Variants in RBFOX1 observed in about 807,000 individuals in gnomAD.
RBFOX1 encodes RNA binding protein fox-1 homolog 1.
RBFOX1 carries 8 observed loss-of-function variants against 57.7 expected under a neutral mutation model. That is an observed-to-expected ratio of 0.14 (90% CI 0.08 to 0.25). RBFOX1 has a LOEUF of 0.25. RBFOX1 is among the 10% of genes least tolerant of loss of function. The pLI is 1.00. For missense variants in RBFOX1, 611 were observed against 548.5 expected, an observed-to-expected ratio of 1.11 and a Z score of -1.14; for synonymous variants, 326 against 222.4, an observed-to-expected ratio of 1.47 and a Z score of -4.15.
At chr16:5,906,613 G>C (rs1391388990) in intron 4 of RBFOX1, among the ~76,000 whole-genome samples, 7 of 151,998 alleles carry the variant, frequency 4.6e-5, no homozygotes, top group Non-Finnish European at 7.4e-5. Flanking sequence ...TTTCATGGGA[G>C]TGCTCCTGGA....
chr16:6,898,862 TACAC>T lies in RBFOX1; in HGVS notation c.-15-153191_-15-153188del, dbSNP rs374156702. 6.3e-4 allele frequency among the ~76,000 whole-genome samples: 94 copies of T among 148,472 alleles called. 1 individual carries two copies. In the East Asian group the frequency reaches 0.015, roughly 24 times the overall value. ...GTGTGCATGTGTATGTGTAATATAT[TACAC>T]ACATGTACACGTGTATAATACGTGT... On this transcript the variant is annotated intron_variant, in intron 3 of 15. Coordinates refer to ENST00000550418, the MANE Select transcript of RBFOX1 (RefSeq NM_018723.4).
chr16:6,614,301 G>T (rs909627543), intron 2 of RBFOX1, among the ~76,000 whole-genome samples: 6 of 152,126 alleles, frequency 3.9e-5, no homozygotes, highest in African/African-American at 1.4e-4. Context: ...GTCTTACACT[G>T]GATGGACTTC....
chr16:6,284,297 G>A (rs923299434), intron 1 of RBFOX1, among the ~76,000 whole-genome samples: 3 of 152,126 alleles, frequency 2.0e-5, no homozygotes, highest in Admixed American at 2.0e-4. Context: ...CAGCTCTGGG[G>A]TAGTTCAGAA....
At chr16:7,703,962 C>T (rs1309022826) in intron 14 of RBFOX1, among the ~76,000 whole-genome samples, 1 of 152,192 alleles carries the variant, frequency 6.6e-6, no homozygotes, top group Non-Finnish European at 1.5e-5. Flanking sequence ...TTGTGAAATA[C>T]AATCTAAGAA....
At chr16:5,349,596 C>G (rs1040726352) in intron 1 of RBFOX1, among the ~76,000 whole-genome samples, 2 of 87,872 alleles carry the variant, frequency 2.3e-5, no homozygotes, top group Admixed American at 2.8e-4. Flanking sequence ...TCGCTTGAAA[C>G]AGGGAGGCGG....
At chr16:7,695,697 T>A (rs1024436024) in intron 14 of RBFOX1, among the ~76,000 whole-genome samples, 1 of 150,664 alleles carries the variant, frequency 6.6e-6, no homozygotes, top group Non-Finnish European at 1.5e-5. Flanking sequence ...CTACCCACAT[T>A]CTAAACAGCA....
intron 4 of RBFOX1, among the ~76,000 whole-genome samples, chr16:7,405,526 C>T (rs536103019): frequency 6.6e-6 from 1 of 152,312 alleles, no homozygotes; most frequent in East Asian, 1.9e-4. Context: ...CGGAGCAACC[C>T]TCTTCCTTGC....
At chr16:7,411,171 C>G (rs1451807664) in intron 4 of RBFOX1, among the ~76,000 whole-genome samples, 1 of 152,064 alleles carries the variant, frequency 6.6e-6, no homozygotes, top group Non-Finnish European at 1.5e-5. Context: ...GTCTTGAACT[C>G]TTGACCTCAG....
intron 1 of RBFOX1, among the ~76,000 whole-genome samples, chr16:6,262,649 T>G (rs2097708369): frequency 6.6e-6 from 1 of 152,204 alleles, no homozygotes; most frequent in African/African-American, 2.4e-5. Flanking sequence ...TATGTTATGT[T>G]CTGGGAAGAA....
At chr16:6,946,243 C>T (rs76891982) in intron 3 of RBFOX1, among the ~76,000 whole-genome samples, 2 of 152,170 alleles carry the variant, frequency 1.3e-5, no homozygotes, top group African/African-American at 4.8e-5. Context: ...GATAACTGCT[C>T]CACTACATCC....
At chr16:6,508,217 G>A (rs1414915205) in intron 2 of RBFOX1, among the ~76,000 whole-genome samples, 1 of 152,108 alleles carries the variant, frequency 6.6e-6, no homozygotes, top group African/African-American at 2.4e-5. Context: ...CTTTTGGAGG[G>A]TGGAAGGTGG....
At chr16:6,229,804 A>T (rs749732797) in intron 1 of RBFOX1, among the ~76,000 whole-genome samples, 5 of 152,062 alleles carry the variant, frequency 3.3e-5, no homozygotes, top group Non-Finnish European at 7.4e-5. Flanking sequence ...TAAATATAGA[A>T]TACATATATC....
intron 1 of RBFOX1, among the ~76,000 whole-genome samples, chr16:5,395,444 CT>C (rs143213293): frequency 0.11 from 16,036 of 152,240 alleles, 1,498 homozygotes; most frequent in African/African-American, 0.25. Context: ...GGTCATGGGC[CT>C]TTGGAGTTCT....
At chr16:5,731,252 C>T (rs1435232004) in intron 3 of RBFOX1, among the ~76,000 whole-genome samples, 12 of 152,106 alleles carry the variant, frequency 7.9e-5, no homozygotes. Context: ...TCAATGTCTC[C>T]ACCAGCACGA....
chr16:5,588,082 G>C (rs2046891448), intron 2 of RBFOX1, among the ~76,000 whole-genome samples: 1 of 152,178 alleles, frequency 6.6e-6, no homozygotes, highest in Non-Finnish European at 1.5e-5. Context: ...TTGGGAACAT[G>C]ATGCTGAGAG....
Position 6,317,020 on chromosome 16 carries a change from G to A in RBFOX1, c.-101G>A. On this transcript the variant is annotated 5_prime_UTR_variant, in exon 2 of 16. It adds an upstream start codon to the 5' untranslated region. Transcript: ENST00000550418. ...GAAACTGGTCAAAGAACTCATGCAAGTGGAACTTACAGCTTCCTTGATCGG... is the reference window on the plus strand; with the variant it reads ...GAAACTGGTCAAAGAACTCATGCAAATGGAACTTACAGCTTCCTTGATCGG... The A allele has an allele frequency of 6.5e-7, 1 of 1,535,546 alleles. No individual in the cohort carries two copies. Among genetic ancestry groups the A allele is most frequent in the Non-Finnish European group, 8.7e-7 (1 of 1,146,520 alleles).
intron 3 of RBFOX1, among the ~76,000 whole-genome samples, chr16:6,886,783 C>CA (rs1555572372): frequency 0.018 from 2,470 of 136,892 alleles, 26 homozygotes; most frequent in Non-Finnish European, 0.026. Flanking sequence ...CAAAACAAAA[C>CA]AAAAAAAAAA....
At chr16:5,549,748 A>G (rs1400687388) in intron 2 of RBFOX1, among the ~76,000 whole-genome samples, 1 of 152,210 alleles carries the variant, frequency 6.6e-6, no homozygotes, top group South Asian at 2.1e-4. Flanking sequence ...ATAGTAAAAT[A>G]AACATCTCAT....
At chr16:7,608,223 C>T (rs1306758644) in intron 10 of RBFOX1, among the ~76,000 whole-genome samples, 13 of 152,100 alleles carry the variant, frequency 8.5e-5, no homozygotes, top group Admixed American at 7.2e-4. Flanking sequence ...TAAGTCATAC[C>T]CCTTGCTTTG....
Sources: allele counts gnomAD v4.1 joint callset (sites outside exome capture counted in the v4.1 genomes callset), GRCh38; gene constraint gnomAD v4.1.1; transcripts MANE v1.5; gene names NCBI Gene and HGNC (gene_info 2026-07-23, HGNC 2026-07-21).